The following GALNT13 variants were observed in gnomAD, a reference collection of about 807,000 sequenced individuals.
The protein encoded by GALNT13 is polypeptide N-acetylgalactosaminyltransferase 13.
GALNT13 carries 28 observed loss-of-function variants against 64.2 expected under a neutral mutation model. The ratio of observed to expected loss-of-function variants is 0.44; its 90% CI spans 0.32 to 0.60. GALNT13 has a LOEUF of 0.60. GALNT13 is among the 20% of genes least tolerant of loss of function. The pLI is 0.05. For synonymous variants in GALNT13, 214 were observed against 224.6 expected (o/e 0.95, Z 0.42); for missense variants, 577 against 669.8 (o/e 0.86, Z 1.53).
intron 9 of GALNT13, among the ~76,000 whole-genome samples, chr2:154,352,784 A>C (rs893774799): frequency 3.9e-5 from 6 of 152,300 alleles, no homozygotes; most frequent in Admixed American, 3.9e-4. Context: ...GTACCTAGTC[A>C]GTGTCCTCAC....
At chr2:154,022,330 T>C (rs1223803519) in intron 3 of GALNT13, among the ~76,000 whole-genome samples, 3 of 152,174 alleles carry the variant, frequency 2.0e-5, no homozygotes, top group African/African-American at 7.2e-5. Flanking sequence ...ATCCATCTGG[T>C]CCTGGGCTTT....
chr2:154,340,914 G>A (rs1424713306), intron 9 of GALNT13, among the ~76,000 whole-genome samples: 2 of 152,072 alleles, frequency 1.3e-5, no homozygotes, highest in Non-Finnish European at 2.9e-5. Flanking sequence ...GTGTGTGTGT[G>A]TGTGTGTGCC....
chr2:153,231,557 A>G, the GALNT13 span, among the ~76,000 whole-genome samples: 3 of 152,246 alleles, frequency 2.0e-5, no homozygotes, highest in Admixed American at 1.3e-4. Context: ...CTAAATGTAT[A>G]TACTCATAAC....
chr2:154,068,126 G>A (rs987725762), intron 3 of GALNT13, among the ~76,000 whole-genome samples: 1 of 151,994 alleles, frequency 6.6e-6, no homozygotes, highest in Non-Finnish European at 1.5e-5. Flanking sequence ...AAACATCACT[G>A]ATCATCAGAT....
chr2:154,064,862 A>C (rs552349335), intron 3 of GALNT13, among the ~76,000 whole-genome samples: 2 of 152,134 alleles, frequency 1.3e-5, no homozygotes, highest in East Asian at 1.9e-4. Flanking sequence ...TGAAGAGTAA[A>C]GGGGACTTTG....
At chr2:153,914,452 C>G (rs1689189890) in intron 2 of GALNT13, among the ~76,000 whole-genome samples, 1 of 141,824 alleles carries the variant, frequency 7.1e-6, no homozygotes, top group African/African-American at 2.7e-5. Context: ...CCATTGCACT[C>G]CAGCCTGGGC....
chr2:153,718,288 A>G, the GALNT13 span, among the ~76,000 whole-genome samples: 9 of 152,160 alleles, frequency 5.9e-5, no homozygotes, highest in African/African-American at 2.2e-4. Flanking sequence ...AAAAAACAGA[A>G]TTAAGATTGA....
At chr2:153,458,545 G>A in the GALNT13 span, among the ~76,000 whole-genome samples, 1 of 152,050 alleles carries the variant, frequency 6.6e-6, no homozygotes, top group South Asian at 2.1e-4. Context: ...TTCCTAGCCA[G>A]ATTTTCCCCA....
chr2:154,137,934 C>G (rs1477184860), intron 3 of GALNT13, among the ~76,000 whole-genome samples: 1 of 152,034 alleles, frequency 6.6e-6, no homozygotes, highest in African/African-American at 2.4e-5. Context: ...CTGTTTCTGC[C>G]TAAAAGAAGG....
At chr2:153,389,315 T>G in the GALNT13 span, among the ~76,000 whole-genome samples, 17 of 152,230 alleles carry the variant, frequency 1.1e-4, no homozygotes, top group African/African-American at 4.1e-4. Context: ...GTTGGTTTGT[T>G]CATGTTTCTC....
chr2:154,359,838 A>G (rs1410182002), intron 9 of GALNT13, among the ~76,000 whole-genome samples: 1 of 152,138 alleles, frequency 6.6e-6, no homozygotes. Flanking sequence ...TGTGAATTAG[A>G]TTGCTGCTCC....
At chr2:154,382,217 G>A (rs192116938) in intron 9 of GALNT13, among the ~76,000 whole-genome samples, 1 of 152,018 alleles carries the variant, frequency 6.6e-6, no homozygotes, top group African/African-American at 2.4e-5. Flanking sequence ...CTAGACCAAT[G>A]ATATCTTGAA....
intron 8 of GALNT13, among the ~76,000 whole-genome samples, chr2:154,266,301 G>A (rs1337429571): frequency 1.3e-5 from 2 of 152,096 alleles, no homozygotes; most frequent in Admixed American, 6.6e-5. Flanking sequence ...AATAAATTAA[G>A]CCATCCATAT....
intron 4 of GALNT13, among the ~76,000 whole-genome samples, chr2:154,153,724 A>C (rs1263735024): frequency 2.0e-5 from 3 of 152,106 alleles, no homozygotes; most frequent in African/African-American, 7.2e-5. Context: ...TGGGCATAGA[A>C]CCCTCCGAGC....
intron 4 of GALNT13, among the ~76,000 whole-genome samples, chr2:154,206,386 C>G (rs1687455953): frequency 6.6e-6 from 1 of 151,932 alleles, no homozygotes; most frequent in Admixed American, 6.6e-5. Context: ...GAGAAAGAGA[C>G]AAATACACTT....
the GALNT13 span, among the ~76,000 whole-genome samples, chr2:153,289,178 C>A: frequency 5.6e-3 from 850 of 152,286 alleles, 7 homozygotes; most frequent in African/African-American, 0.019. Context: ...TACTCTTCAA[C>A]TTTAATTAAG....
chr2:154,139,650 A>ACACACC (rs1683149399), intron 3 of GALNT13, among the ~76,000 whole-genome samples: 1 of 151,392 alleles, frequency 6.6e-6, no homozygotes, highest in African/African-American at 2.4e-5. Context: ...ACACACACAC[A>ACACACC]CACCCCTTGA....
the GALNT13 span, among the ~76,000 whole-genome samples, chr2:153,710,431 A>T: frequency 6.6e-6 from 1 of 152,202 alleles, no homozygotes; most frequent in East Asian, 1.9e-4. Context: ...CTATTATGAA[A>T]ATATTTTTGA....
chr2:154,269,634 GATTTGGTT>G (rs1691213057), intron 8 of GALNT13, among the ~76,000 whole-genome samples: 2 of 151,554 alleles, frequency 1.3e-5, no homozygotes. Context: ...CAATCTTAAT[GATTTGGTT>G]CAGCAAATGT....
Sources: allele counts gnomAD v4.1 joint callset (sites outside exome capture counted in the v4.1 genomes callset), GRCh38; gene constraint gnomAD v4.1.1; transcripts MANE v1.5; gene names NCBI Gene and HGNC (gene_info 2026-07-23, HGNC 2026-07-21).